The following DHX40 variants were observed in gnomAD, a reference collection of about 807,000 sequenced individuals.
DHX40 encodes the protein DEAH-box helicase 40.
In DHX40, 28 loss-of-function variants were observed where a neutral mutation model predicts 89.6. That is an observed-to-expected ratio of 0.31 (90% CI 0.23 to 0.43). The LOEUF (loss-of-function observed/expected upper bound fraction) is 0.43. DHX40 is among the 20% of genes least tolerant of loss of function. The pLI is 1.00. For synonymous variants in DHX40, 226 were observed against 283.6 expected (o/e 0.80, Z 2.04); for missense variants, 457 against 844.0 (o/e 0.54, Z 5.68).
At chr17:59,583,661 G>A (rs2048965896) in intron 10 of DHX40, among the ~76,000 whole-genome samples, 1 of 136,054 alleles carries the variant, frequency 7.4e-6, no homozygotes, top group South Asian at 2.7e-4. Context: ...TGGGCGGATT[G>A]CGAGGTCAGG....
rs567228705 is a variant in DHX40 at position 59,591,703 on chromosome 17, G to A, written c.1582+3650G>A. Among the ~76,000 whole-genome samples the A allele has an allele frequency of 2.8e-4, 42 of 151,288 alleles. 1 individual carries two copies. The highest frequency in any genetic ancestry group is 5.6e-4 in the Non-Finnish European group (38 of 67,764). ...TTTACCCCCTTTGCTTTATTACTCT[G>A]TCTCCCTCTATATATGTATATATAA... On this transcript the variant is annotated intron_variant, in intron 12 of 17. Transcript: ENST00000251241.
Position 59,599,114 on chromosome 17 carries a change from A to G in DHX40, c.1698-261A>G, listed in dbSNP as rs377074540. On this transcript the variant is annotated intron_variant, in intron 13 of 17. Coordinates refer to ENST00000251241, the MANE Select transcript of DHX40 (RefSeq NM_024612.5). ...TGCTTCTATATAGGTAGCCTAGATT[A>G]AAAAATGATTGGATATTTGTTATTG... is the stretch of plus-strand genomic sequence containing the variant. Among the ~76,000 whole-genome samples, 21 of 152,258 alleles carry G rather than the reference A, an allele frequency of 1.4e-4. No individual in the cohort carries two copies. In the East Asian group the frequency reaches 3.7e-3, roughly 27 times the overall value.
chr17:59,589,376 A>C (rs979266251), intron 12 of DHX40, among the ~76,000 whole-genome samples: 1 of 150,534 alleles, frequency 6.6e-6, no homozygotes, highest in African/African-American at 2.4e-5. Context: ...CGCCCGCCAC[A>C]ACGCCCGGCT....
intron 14 of DHX40, among the ~76,000 whole-genome samples, chr17:59,600,870 T>C (rs948606670): frequency 8.7e-4 from 131 of 151,248 alleles, no homozygotes; most frequent in Non-Finnish European, 8.4e-4. Flanking sequence ...TTTTTTTTTT[T>C]TTTTACTGTT....
At position 59,568,420 on chromosome 17, in the gene DHX40, T is replaced by C. The variant is rs1270475611; in HGVS notation, c.280+1626T>C. 2.0e-5 allele frequency among the ~76,000 whole-genome samples: 3 copies of C among 152,272 alleles called. No individual in the cohort carries two copies. The East Asian group carries it at 5.8e-4, about 29-fold the overall frequency. ...GGTGCCATCTATTAAGATATATCAC[T>C]ATTTTATGTGCAGTAATCCCTTCTT... On this transcript the variant is annotated intron_variant, in intron 2 of 17. Transcript: ENST00000251241.
chr17:59,605,286 A>T, intron 16 of DHX40, 102 bp downstream of exon 16: 1 of 1,307,984 alleles, frequency 7.6e-7, no homozygotes, highest in South Asian at 1.2e-5. Context: ...AAATTTACAT[A>T]TATCTATATT....
At chr17:59,596,396 A>G (rs2030078329) in intron 12 of DHX40, among the ~76,000 whole-genome samples, 1 of 152,170 alleles carries the variant, frequency 6.6e-6, no homozygotes, top group Non-Finnish European at 1.5e-5. Flanking sequence ...GTGAAACCCC[A>G]TCTCTACTAA....
chr17:59,603,431 G>T (rs2030657361), intron 15 of DHX40: 1 of 152,196 alleles, frequency 6.6e-6, no homozygotes, highest in Non-Finnish European at 1.5e-5. Context: ...TGGAGAAATG[G>T]GGCTGGGAAA....
At chr17:59,599,836 T>G (rs1209701851) in intron 14 of DHX40, among the ~76,000 whole-genome samples, 1 of 151,344 alleles carries the variant, frequency 6.6e-6, no homozygotes, top group African/African-American at 2.4e-5. Flanking sequence ...ACCTTTTTTT[T>G]TTTTTGAGAT....
intron 5 of DHX40, 68 bp from the exon 6 acceptor site, chr17:59,574,120 A>G: frequency 1.8e-6 from 1 of 553,908 alleles, no homozygotes; most frequent in Admixed American, 4.1e-5. Context: ...TCTGTGGGGC[A>G]AGGGAAGTGG....
rs971899211 is a variant in DHX40 at position 59,605,443 on chromosome 17, T to C, written c.1972-3T>C. Reference sequence around the variant, plus strand: ...CCATCATTAAAAGAAATGTTTTGTATAGCTTCATGAACAGGAAACCAAACT... The same window carrying C: ...CCATCATTAAAAGAAATGTTTTGTACAGCTTCATGAACAGGAAACCAAACT... On this transcript the variant is annotated splice_region_variant and splice_polypyrimidine_tract_variant and intron_variant, in intron 16 of 17. Coordinates refer to ENST00000251241, the MANE Select transcript of DHX40 (RefSeq NM_024612.5). 8 of 1,610,134 alleles carry C rather than the reference T, an allele frequency of 5.0e-6. No individual in the cohort carries two copies. In the South Asian group the frequency reaches 8.8e-5, roughly 18 times the overall value.
chr17:59,565,654 C>A lies in DHX40; in HGVS notation c.-18C>A. On this transcript the variant is annotated 5_prime_UTR_variant, in exon 1 of 18. Coordinates refer to ENST00000251241, the MANE Select transcript of DHX40 (RefSeq NM_024612.5). ...CTCAGATCGGTGGACGTGCTCGCCT[C>A]CACTCGGGGCCAGGTCTATGTCCCG... is the stretch of plus-strand genomic sequence containing the variant. 6.3e-7 allele frequency: 1 copy of A among 1,594,350 alleles called. No individual in the cohort carries two copies. Among genetic ancestry groups the A allele is most frequent in the Non-Finnish European group, 8.5e-7 (1 of 1,176,306 alleles).
chr17:59,565,905 G>A (rs1310831586), intron 1 of DHX40, 122 bp downstream of exon 1: 2 of 838,114 alleles, frequency 2.4e-6, no homozygotes, highest in South Asian at 2.3e-5. Flanking sequence ...GCGTTCTCCT[G>A]GCTTTCCAAG....
chr17:59,591,901 C>A (rs2049088701), intron 12 of DHX40, among the ~76,000 whole-genome samples: 1 of 151,844 alleles, frequency 6.6e-6, no homozygotes, highest in Non-Finnish European at 1.5e-5. Flanking sequence ...GAGAGTCTCA[C>A]TCTGTTGCCC....
chr17:59,606,209 TAA>T (rs1233063701), intron 17 of DHX40, among the ~76,000 whole-genome samples: 2 of 151,884 alleles, frequency 1.3e-5, no homozygotes, highest in Non-Finnish European at 2.9e-5. Flanking sequence ...CACGCCTGGC[TAA>T]GTTTGTATAT....
In DHX40 at chr17:59,607,145, C is replaced by T. The variant is rs140203786; in HGVS notation, c.2313C>T (p.His771=). The stretch of plus-strand genomic sequence containing the variant: ...GAAAGCAGCAGAGGACCCAGGACCA[C>T]AGTGACACACGAAAGGAAACAGGCT... ...LERKQQRTQD[H]SDTRKETG The change falls in exon 18 of 18, where the codon CAC becomes CAT. Residue 771 remains histidine (H), a synonymous_variant. Coordinates refer to ENST00000251241, the MANE Select transcript of DHX40 (RefSeq NM_024612.5). The T allele has an allele frequency of 6.2e-7, 1 of 1,614,206 alleles. No homozygotes were observed. The highest frequency in any genetic ancestry group is 8.5e-7 in the Non-Finnish European group (1 of 1,180,042).
intron 12 of DHX40, among the ~76,000 whole-genome samples, chr17:59,594,539 C>T (rs559619264): frequency 6.6e-6 from 1 of 151,582 alleles, no homozygotes; most frequent in South Asian, 2.1e-4. Flanking sequence ...CTGTGGCTCA[C>T]TTTGCATCTT....
chr17:59,605,110 T>C lies in DHX40; in HGVS notation c.1902-5T>C, dbSNP rs201709961. On this transcript the variant is annotated splice_region_variant and splice_polypyrimidine_tract_variant and intron_variant, in intron 15 of 17. Transcript: ENST00000251241. ...GTCTTTATCATTTTGTTTTTCTGTT[T>C]ATAGATCTGTTGGGAGAACGTTTTG... The C allele has an allele frequency of 6.2e-7, 1 of 1,613,850 alleles. No homozygotes were observed. The highest frequency in any genetic ancestry group is 2.2e-5 in the East Asian group (1 of 44,874).
Position 59,566,627 on chromosome 17 carries a change from A to G in DHX40, c.113A>G (p.Glu38Gly). ...RLSAVCIADREEKGCTSQEGG... is the reference protein window; with the variant it reads ...RLSAVCIADRGEKGCTSQEGG... ...TTGACTTGTTTTTCTGTTATTACAGAAGAGAAAGGATGCACGTCCCAGGAG... is the reference window on the plus strand; with the variant it reads ...TTGACTTGTTTTTCTGTTATTACAGGAGAGAAAGGATGCACGTCCCAGGAG... Residue 38 changes from glutamate (E) to glycine (G), a missense_variant and splice_region_variant, in exon 2 of 18, where the codon GAA (glutamate) becomes GGA (glycine). By Grantham distance (98) the Glu-to-Gly change is moderately conservative (BLOSUM62 -2). Transcript: ENST00000251241. 2 of 1,578,848 alleles carry G rather than the reference A, an allele frequency of 1.3e-6. No homozygotes were observed. The highest frequency in any genetic ancestry group is 1.7e-6 in the Non-Finnish European group (2 of 1,170,336).
Sources: allele counts gnomAD v4.1 joint callset (sites outside exome capture counted in the v4.1 genomes callset), GRCh38; gene constraint gnomAD v4.1.1; transcripts MANE v1.5; gene names NCBI Gene and HGNC (gene_info 2026-07-23, HGNC 2026-07-21).